The following UBE2D3 variants were observed in gnomAD, a reference collection of about 807,000 sequenced individuals.
The protein encoded by UBE2D3 is ubiquitin conjugating enzyme E2 D3, also known as ubiquitin-conjugating enzyme E2 D3.
Under a neutral mutation model 22.8 loss-of-function variants are expected in UBE2D3, and 2 were observed. The ratio of observed to expected loss-of-function variants is 0.09; its 90% CI spans 0.04 to 0.28. The LOEUF (loss-of-function observed/expected upper bound fraction) is 0.28, where lower values mean the gene tolerates loss of function less well. Among genes scored for constraint, UBE2D3 ranks in the 10% least tolerant of loss-of-function variants. UBE2D3 has a pLI of 1.00. For missense variants in UBE2D3, 27 were observed against 182.5 expected, an observed-to-expected ratio of 0.15 and a Z score of 4.91; for synonymous variants, 56 against 60.4, an observed-to-expected ratio of 0.93 and a Z score of 0.34.
chr4:102,857,553 T>C (rs889854598), intron 1 of UBE2D3, among the ~76,000 whole-genome samples: 2 of 152,176 alleles, frequency 1.3e-5, no homozygotes, highest in East Asian at 1.9e-4. Flanking sequence ...AGCCATAACA[T>C]GTTGAATATG....
rs74855098 is a variant in UBE2D3 at position 102,861,649 on chromosome 4, T to G, written c.-129+7066A>C. On this transcript the variant is annotated intron_variant, in intron 1 of 7. Coordinates refer to the UBE2D3 transcript ENST00000338145. ...GTTATTTTATTATTTAATGACTATA[T>G]TTATAGATTACAGTAACCATGGAAT... is the stretch of plus-strand genomic sequence containing the variant. Among the ~76,000 whole-genome samples the G allele has an allele frequency of 1.4e-3, 206 of 152,112 alleles. 1 individual carries two copies. The Middle Eastern group carries it at 0.017, about 13-fold the overall frequency.
intron 1 of UBE2D3, among the ~76,000 whole-genome samples, chr4:102,844,787 G>A (rs185388981): frequency 2.0e-5 from 3 of 152,068 alleles, no homozygotes; most frequent in East Asian, 1.9e-4. Flanking sequence ...TTGGGAGGCC[G>A]AGGTGGGTGG....
intron 1 of UBE2D3, among the ~76,000 whole-genome samples, chr4:102,847,277 A>G (rs973833425): frequency 6.6e-6 from 1 of 152,000 alleles, no homozygotes; most frequent in African/African-American, 2.4e-5. Flanking sequence ...TGCTCCACAT[A>G]CAGTCATTTT....
intron 1 of UBE2D3, among the ~76,000 whole-genome samples, chr4:102,851,634 T>C (rs1341807486): frequency 6.6e-6 from 1 of 151,758 alleles, no homozygotes; most frequent in African/African-American, 2.4e-5. Context: ...TCCTTTAATA[T>C]TAGAACCCCC....
At chr4:102,807,092 C>T (rs1353260349) in intron 4 of UBE2D3, among the ~76,000 whole-genome samples, 2 of 152,156 alleles carry the variant, frequency 1.3e-5, no homozygotes, top group Non-Finnish European at 2.9e-5. Context: ...AGTCAGGAAT[C>T]TTCAGTTCTG....
chr4:102,853,780 T>C (rs1732498233), intron 1 of UBE2D3, among the ~76,000 whole-genome samples: 1 of 152,160 alleles, frequency 6.6e-6, no homozygotes, highest in Non-Finnish European at 1.5e-5. Flanking sequence ...CTGAATGAAC[T>C]ATCTATTCAA....
intron 2 of UBE2D3, among the ~76,000 whole-genome samples, chr4:102,816,398 A>G (rs1423948391): frequency 6.6e-6 from 1 of 152,250 alleles, no homozygotes; most frequent in African/African-American, 2.4e-5. Context: ...AAAGCTAAAG[A>G]GACCATATTC....
chr4:102,852,732 TAGA>T (rs1271742016), intron 1 of UBE2D3, among the ~76,000 whole-genome samples: 1 of 152,218 alleles, frequency 6.6e-6, no homozygotes, highest in Non-Finnish European at 1.5e-5. Context: ...TGTATTTCTA[TAGA>T]ACAGATTCCC....
At chr4:102,804,870 G>A (rs2110265498) in intron 4 of UBE2D3, among the ~76,000 whole-genome samples, 1 of 152,178 alleles carries the variant, frequency 6.6e-6, no homozygotes, top group South Asian at 2.1e-4. Flanking sequence ...TAGAGACGGA[G>A]TTTTTGTTGT....
At chr4:102,838,230 C>T (rs1307900026) in intron 1 of UBE2D3, among the ~76,000 whole-genome samples, 1 of 152,200 alleles carries the variant, frequency 6.6e-6, no homozygotes, top group Non-Finnish European at 1.5e-5. Flanking sequence ...ACTAAACCCA[C>T]AGTATCTCTG....
chr4:102,811,834 T>G (rs573401199), intron 2 of UBE2D3: 1 of 424,024 alleles, frequency 2.4e-6, no homozygotes. Flanking sequence ...TTGGATAACA[T>G]AGTGAGACCC....
chr4:102,799,478 C>A lies in UBE2D3; in HGVS notation c.327G>T (p.Leu109=). ...GGTCATCTGGGTTTGGATCACATAG[C>A]AGTGAACAAATGGATAAAAGAACTG... The part of the protein sequence containing the change: ...ISKVLLSICS[L]LCDPNPDDPL... The change falls in exon 7 of 8, where the codon CTG becomes CTT. Residue 109 remains leucine, a synonymous_variant. Coordinates refer to ENST00000453744, the MANE Select transcript of UBE2D3 (RefSeq NM_181891.3). 6.2e-7 allele frequency: 1 copy of A among 1,611,476 alleles called. No homozygotes were observed.
intron 2 of UBE2D3, chr4:102,810,633 T>G (rs1440803078): frequency 6.6e-6 from 1 of 152,102 alleles, no homozygotes; most frequent in Admixed American, 6.5e-5. Context: ...ATTCTGACCC[T>G]GAAGAGCGTA....
rs750276951 is a variant in UBE2D3, at chr4:102,801,463, T to C, written c.295A>G (p.Ile99Val). 1.2e-6 allele frequency: 2 copies of C among 1,606,198 alleles called. No homozygotes were observed. The highest frequency in any genetic ancestry group is 1.7e-6 in the Non-Finnish European group (2 of 1,175,708). ...LRSQWSPALT[I>V]SKVLLSICSL... is the part of the protein sequence containing the mutation. ...CACTAGAAATATTTACCTTTAGAAA[T>C]TGTTAAAGCAGGCGACCACTGTGAT... Residue 99 changes from isoleucine to valine, a missense_variant, in exon 6 of 8, where the codon ATT becomes GTT. Ile to Val is a conservative substitution (Grantham distance 29). Transcript: ENST00000453744.
At chr4:102,827,985 G>C (rs1730855038), upstream of UBE2D3, 3 of 985,484 alleles carry the variant, frequency 3.0e-6, no homozygotes, top group Non-Finnish European at 3.6e-6. Flanking sequence ...TTCGTGGCTG[G>C]CTAACCGAAG....
intron 4 of UBE2D3, chr4:102,809,469 C>T (rs1295149606): frequency 1.3e-5 from 8 of 599,368 alleles, no homozygotes; most frequent in Middle Eastern, 4.7e-4. Context: ...TACTCTAGAA[C>T]GTGAACACAG....
At chr4:102,809,489 C>T (rs1727610495) in intron 4 of UBE2D3, 183 bp downstream of exon 4, 2 of 662,992 alleles carry the variant, frequency 3.0e-6, no homozygotes, top group Non-Finnish European at 5.1e-6. Flanking sequence ...GGGATAGACA[C>T]AAAGTACACG....
At chr4:102,826,426 C>G (rs1730510318) in intron 2 of UBE2D3, 59 bp downstream of exon 2, 1 of 1,608,070 alleles carries the variant, frequency 6.2e-7, no homozygotes, top group Non-Finnish European at 8.5e-7. Context: ...CCACGCTTTC[C>G]TCTTGGCCCG....
chr4:102,827,022 G>A, intron 1 of UBE2D3: 2 of 994,040 alleles, frequency 2.0e-6, no homozygotes, highest in Non-Finnish European at 2.4e-6. Context: ...GACGGACGCC[G>A]GGCTGCTTTC....
Sources: gnomAD v4.1 joint callset for allele counts (sites outside exome capture counted in the v4.1 genomes callset) on GRCh38, gnomAD v4.1.1 for gene constraint, MANE v1.5 for transcripts, NCBI Gene and HGNC (gene_info 2026-07-23, HGNC 2026-07-21) for gene names.